ACOXL: variants seen among roughly 807,000 people sequenced by gnomAD.
The protein encoded by ACOXL is acyl-CoA oxidase like.
ACOXL carries 70 observed loss-of-function variants against 71.9 expected under a neutral mutation model. The observed-to-expected ratio is 0.97, with a 90% CI of 0.80 to 1.19. The LOEUF (loss-of-function observed/expected upper bound fraction) is 1.19, where lower values mean the gene tolerates loss of function less well. ACOXL is among the 50% of genes most tolerant of loss of function. The pLI, the probability that ACOXL is intolerant of heterozygous loss-of-function variation, is 0.00. For synonymous variants in ACOXL, 253 were observed against 281.6 expected, an observed-to-expected ratio of 0.90 and a Z score of 1.02; for missense variants, 703 against 736.3, an observed-to-expected ratio of 0.95 and a Z score of 0.52.
intron 11 of ACOXL, among the ~76,000 whole-genome samples, chr2:110,915,860 G>A (rs2059840974): frequency 6.6e-6 from 1 of 152,002 alleles, no homozygotes; most frequent in Non-Finnish European, 1.5e-5. Context: ...TTTGATATCA[G>A]TGTTATATTG....
Position 110,769,630 on chromosome 2 carries a change from T to C in ACOXL, c.75+1166T>C, listed in dbSNP as rs1304264456. ...ATGGCGAAACATGGCCTGGGCAACA[T>C]GGTGAAACACTGTTTCTACTAAAAC... On this transcript the variant is annotated intron_variant, in intron 2 of 17. Transcript: ENST00000439055. Among the ~76,000 whole-genome samples, 7 of 152,054 alleles carry C rather than the reference T, an allele frequency of 4.6e-5. No homozygotes were observed. In the South Asian group the frequency reaches 1.5e-3, roughly 32 times the overall value.
chr2:111,117,950 G>T lies in ACOXL; in HGVS notation c.*134G>T. 9.0e-7 allele frequency: 1 copy of T among 1,110,970 alleles called. No individual in the cohort carries two copies. Among genetic ancestry groups the T allele is most frequent in the Non-Finnish European group, 1.2e-6 (1 of 800,932 alleles). 68.8% of individuals were successfully genotyped at this position (1,110,970 alleles called of 1,614,324 possible). ...CTCTCGGGGATTTTGGTGGCAAAGC[G>T]GAGGTCCCGCCGAGGCTGGCGAGGT... is the stretch of plus-strand genomic sequence containing the variant. On this transcript the variant is annotated 3_prime_UTR_variant, in exon 18 of 18. Transcript: ENST00000439055.
chr2:111,101,337 T>G (rs2069142844), intron 17 of ACOXL: 1 of 152,110 alleles, frequency 6.6e-6, no homozygotes, highest in Non-Finnish European at 1.5e-5. Context: ...GAAAAACAGA[T>G]AGCCCACACC....
chr2:111,024,597 A>ACT (rs1356652402), intron 14 of ACOXL, among the ~76,000 whole-genome samples: 1 of 152,198 alleles, frequency 6.6e-6, no homozygotes, highest in Non-Finnish European at 1.5e-5. Flanking sequence ...GGATTGTGGT[A>ACT]AGGAGTTACA....
Position 110,915,133 on chromosome 2 carries a change from C to T in ACOXL, c.905+6228C>T, listed in dbSNP as rs941388197. On this transcript the variant is annotated intron_variant, in intron 11 of 17. Coordinates refer to ENST00000439055, the MANE Select transcript of ACOXL (RefSeq NM_001142807.4). ...CTATTTTTGTTGTTGTTGTTGATGC[C>T]CTTTATTAGACTGAGGAAATTCCCT... is the stretch of plus-strand genomic sequence containing the variant. 4.0e-5 allele frequency among the ~76,000 whole-genome samples: 6 copies of T among 150,876 alleles called. 1 individual carries two copies. Among genetic ancestry groups the T allele is most frequent in the African/African-American group, 1.5e-4 (6 of 41,076 alleles).
intron 10 of ACOXL, among the ~76,000 whole-genome samples, chr2:110,858,845 T>C (rs1052948393): frequency 6.6e-6 from 1 of 152,228 alleles, no homozygotes; most frequent in African/African-American, 2.4e-5. Flanking sequence ...TTATTACAGG[T>C]TTAAAAGACC....
intron 12 of ACOXL, among the ~76,000 whole-genome samples, chr2:110,950,541 A>G (rs956681416): frequency 2.6e-5 from 4 of 152,276 alleles, no homozygotes; most frequent in Admixed American, 2.6e-4. Flanking sequence ...TCCTGGGCCA[A>G]TTTGCCAAAT....
intron 16 of ACOXL, among the ~76,000 whole-genome samples, chr2:111,081,781 G>A (rs147940193): frequency 0.014 from 2,067 of 152,226 alleles, 65 homozygotes; most frequent in African/African-American, 0.048. Flanking sequence ...TATACTACAA[G>A]GCTACAGTAA....
intron 17 of ACOXL, among the ~76,000 whole-genome samples, chr2:111,103,532 A>G (rs2069322100): frequency 6.6e-6 from 1 of 152,160 alleles, no homozygotes; most frequent in Non-Finnish European, 1.5e-5. Context: ...TGCTGAGACA[A>G]CATAAGTAAA....
At chr2:111,113,529 C>A (rs886914172) in intron 17 of ACOXL, among the ~76,000 whole-genome samples, 1 of 152,218 alleles carries the variant, frequency 6.6e-6, no homozygotes, top group African/African-American at 2.4e-5. Context: ...TACTTCATGC[C>A]TTTACCTGCC....
chr2:111,085,093 G>T (rs893667382), intron 16 of ACOXL, among the ~76,000 whole-genome samples: 1 of 152,142 alleles, frequency 6.6e-6, no homozygotes, highest in African/African-American at 2.4e-5. Flanking sequence ...GTTCTTAAGA[G>T]ACCTATGAAG....
chr2:111,074,495 G>A (rs1007434161), intron 16 of ACOXL, among the ~76,000 whole-genome samples: 1 of 151,940 alleles, frequency 6.6e-6, no homozygotes, highest in African/African-American at 2.4e-5. Context: ...TTTTAAATCA[G>A]GAATTAATGT....
intron 10 of ACOXL, among the ~76,000 whole-genome samples, chr2:110,884,923 G>A (rs751642957): frequency 2.6e-5 from 4 of 151,994 alleles, no homozygotes; most frequent in Non-Finnish European, 5.9e-5. Context: ...GTTTAAAAAT[G>A]TCTCCTTTAT....
chr2:110,870,622 C>G (rs946903036), intron 10 of ACOXL, among the ~76,000 whole-genome samples: 3 of 152,164 alleles, frequency 2.0e-5, no homozygotes, highest in South Asian at 4.1e-4. Flanking sequence ...GCCAACATCA[C>G]CCTCATGGGC....
At chr2:110,992,235 C>G (rs1220602542) in intron 13 of ACOXL, among the ~76,000 whole-genome samples, 1 of 152,212 alleles carries the variant, frequency 6.6e-6, no homozygotes, top group Non-Finnish European at 1.5e-5. Flanking sequence ...CAGTGTACAT[C>G]TGTCTCCCAC....
At chr2:110,906,806 C>T (rs544033064) in intron 10 of ACOXL, among the ~76,000 whole-genome samples, 6 of 152,236 alleles carry the variant, frequency 3.9e-5, no homozygotes, top group African/African-American at 1.4e-4. Flanking sequence ...GGCTGGGACT[C>T]AGCCTTCTTG....
intron 7 of ACOXL, 71 bp from the exon 8 acceptor site, chr2:110,801,581 C>T (rs1040363197): frequency 1.4e-5 from 19 of 1,367,236 alleles, no homozygotes; most frequent in African/African-American, 5.8e-5. Flanking sequence ...ATTTTAGTGG[C>T]GACAGGCCTG....
At chr2:111,058,703 A>G (rs2066662894) in intron 16 of ACOXL, among the ~76,000 whole-genome samples, 1 of 152,210 alleles carries the variant, frequency 6.6e-6, no homozygotes, top group Non-Finnish European at 1.5e-5. Context: ...ATGGGGAAAA[A>G]GAAAAATACT....
At chr2:110,805,643 T>C (rs1686547426) in intron 9 of ACOXL, among the ~76,000 whole-genome samples, 2 of 152,146 alleles carry the variant, frequency 1.3e-5, no homozygotes, top group South Asian at 4.1e-4. Flanking sequence ...AGCACAGGCA[T>C]TGTGGTAAGA....
Sources: allele counts gnomAD v4.1 joint callset (sites outside exome capture counted in the v4.1 genomes callset), GRCh38; gene constraint gnomAD v4.1.1; transcripts MANE v1.5; gene names NCBI Gene and HGNC (gene_info 2026-07-23, HGNC 2026-07-21).